The following ATP9B variants were observed in gnomAD, a reference collection of about 807,000 sequenced individuals.
ATP9B encodes probable phospholipid-transporting ATPase IIB.
A neutral mutation model predicts 146.1 loss-of-function variants in ATP9B; 110 were observed. The ratio of observed to expected loss-of-function variants is 0.75; its 90% CI spans 0.65 to 0.88. ATP9B has a LOEUF of 0.88. ATP9B is among the 40% of genes least tolerant of loss of function. The pLI, the probability that ATP9B is intolerant of heterozygous loss-of-function variation, is 0.00. For missense variants in ATP9B, 1,499 were observed against 1,496.4 expected (o/e 1.00, Z -0.03); for synonymous variants, 604 against 569.7 (o/e 1.06, Z -0.86).
At chr18:79,176,696 G>A in intron 7 of ATP9B, 117 bp from the exon 8 acceptor site, 2 of 761,160 alleles carry the variant, frequency 2.6e-6, no homozygotes, top group Non-Finnish European at 4.3e-6. Context: ...GGAATATCTA[G>A]ATTGTTATTT....
At chr18:79,182,240 C>T (rs2095260086) in intron 8 of ATP9B, among the ~76,000 whole-genome samples, 1 of 152,148 alleles carries the variant, frequency 6.6e-6, no homozygotes, top group African/African-American at 2.4e-5. Flanking sequence ...AGTCAAAACT[C>T]AGCTCTCCAA....
At chr18:79,170,367 T>A (rs1432610784) in intron 7 of ATP9B, among the ~76,000 whole-genome samples, 1 of 152,232 alleles carries the variant, frequency 6.6e-6, no homozygotes, top group Non-Finnish European at 1.5e-5. Context: ...TCTCCTCCTC[T>A]GTAGGTGTTG....
chr18:79,369,780 G>C (rs1162701216), intron 26 of ATP9B, among the ~76,000 whole-genome samples: 1 of 152,150 alleles, frequency 6.6e-6, no homozygotes, highest in Non-Finnish European at 1.5e-5. Context: ...ATATGACTTT[G>C]AGGTTGGTTA....
chr18:79,341,601 C>G (rs894579545), intron 19 of ATP9B, among the ~76,000 whole-genome samples: 2 of 145,508 alleles, frequency 1.4e-5, no homozygotes, highest in Non-Finnish European at 3.0e-5. Context: ...TGCCGACACA[C>G]CATTTAGTTG....
chr18:79,330,654 C>T (rs1273120142), intron 17 of ATP9B, among the ~76,000 whole-genome samples: 3 of 152,148 alleles, frequency 2.0e-5, no homozygotes, highest in Non-Finnish European at 4.4e-5. Context: ...ACCTCGTGAT[C>T]CGCCCGTGTC....
At chr18:79,135,267 C>T (rs1190336458) in intron 5 of ATP9B, among the ~76,000 whole-genome samples, 3 of 152,200 alleles carry the variant, frequency 2.0e-5, no homozygotes, top group African/African-American at 4.8e-5. Flanking sequence ...GACTCCAAGT[C>T]ATCCTTCAGA....
chr18:79,259,174 AT>A (rs1568515373), intron 12 of ATP9B, among the ~76,000 whole-genome samples: 1 of 152,216 alleles, frequency 6.6e-6, no homozygotes, highest in Non-Finnish European at 1.5e-5. Context: ...TCAGAGGAAA[AT>A]ATTATAGTAT....
At chr18:79,259,790 T>G (rs1235604880) in intron 12 of ATP9B, among the ~76,000 whole-genome samples, 1 of 152,224 alleles carries the variant, frequency 6.6e-6, no homozygotes, top group Non-Finnish European at 1.5e-5. Context: ...GGAAAACTTT[T>G]AAGAGCTTTA....
Position 79,126,360 on chromosome 18 carries a change from A to G in ATP9B, c.652A>G (p.Lys218Glu), listed in dbSNP as rs1356444432. ...DKEVNSQLYS[K>E]LTVRGKVQVK... is the part of the protein sequence containing the mutation. ...GGAAGTGAATTCACAACTATATAGC[A>G]AGCTTACAGTAAGAGGTCAGCAAGA... The change falls in exon 5 of 30, where the codon AAG (lysine) becomes GAG (glutamate). Residue 218 changes from lysine to glutamate, a missense_variant. By Grantham distance (56) the Lys-to-Glu change is moderately conservative. Transcript: ENST00000426216. 1 of 1,610,158 alleles carries G rather than the reference A, an allele frequency of 6.2e-7. No individual in the cohort carries two copies. Among genetic ancestry groups the G allele is most frequent in the Non-Finnish European group, 8.5e-7 (1 of 1,177,446 alleles).
chr18:79,178,516 AGTCTCT>A (rs1185087091), intron 8 of ATP9B, among the ~76,000 whole-genome samples: 1 of 151,954 alleles, frequency 6.6e-6, no homozygotes, highest in African/African-American at 2.4e-5. Flanking sequence ...TTGTTCAGGG[AGTCTCT>A]GTCAGGGTGA....
At chr18:79,325,063 C>A (rs1179617871) in intron 15 of ATP9B, among the ~76,000 whole-genome samples, 1 of 152,198 alleles carries the variant, frequency 6.6e-6, no homozygotes, top group African/African-American at 2.4e-5. Context: ...AAAAGGGAGC[C>A]CACAACCCCT....
intron 15 of ATP9B, among the ~76,000 whole-genome samples, chr18:79,326,669 AAAAG>A (rs1322628047): frequency 2.0e-5 from 3 of 152,242 alleles, no homozygotes; most frequent in African/African-American, 7.2e-5. Flanking sequence ...CAAAGCATGA[AAAAG>A]AAAGGAAGCA....
intron 25 of ATP9B, among the ~76,000 whole-genome samples, chr18:79,356,600 T>C (rs997385643): frequency 6.6e-6 from 1 of 152,244 alleles, no homozygotes; most frequent in Non-Finnish European, 1.5e-5. Flanking sequence ...CTCCAGAGAA[T>C]TGCGCTGTGT....
chr18:79,291,812 A>G (rs1435245623), intron 13 of ATP9B, among the ~76,000 whole-genome samples: 3 of 152,228 alleles, frequency 2.0e-5, no homozygotes, highest in South Asian at 2.1e-4. Flanking sequence ...GTCAGGATAC[A>G]TCGCTCTCTT....
At chr18:79,297,002 G>C (rs1187739538) in intron 13 of ATP9B, among the ~76,000 whole-genome samples, 1 of 148,086 alleles carries the variant, frequency 6.8e-6, no homozygotes, top group African/African-American at 2.5e-5. Context: ...AGACACAGAC[G>C]ACCCAGAGAG....
In ATP9B at chr18:79,300,396, G is replaced by A. The variant is rs553355802; in HGVS notation, c.1412-3208G>A. On this transcript the variant is annotated intron_variant, in intron 13 of 29. Coordinates refer to ENST00000426216, the MANE Select transcript of ATP9B (RefSeq NM_198531.5). ...GCAAAGTGAGGAGGCTGAGTGGGAG[G>A]TCTTTCCCTTCTCGGTTAAGGTATC... is the stretch of plus-strand genomic sequence containing the variant. Among the ~76,000 whole-genome samples the A allele has an allele frequency of 5.0e-4, 76 of 152,300 alleles. 1 individual carries two copies. The highest frequency in any genetic ancestry group is 2.0e-3 in the Admixed American group (31 of 15,306).
At chr18:79,245,198 G>A (rs1308231943) in intron 11 of ATP9B, among the ~76,000 whole-genome samples, 1 of 152,146 alleles carries the variant, frequency 6.6e-6, no homozygotes, top group Non-Finnish European at 1.5e-5. Context: ...GATAGTAAGG[G>A]TTAGAGAATA....
At chr18:79,332,283 G>C (rs920921913) in intron 17 of ATP9B, among the ~76,000 whole-genome samples, 3 of 152,120 alleles carry the variant, frequency 2.0e-5, no homozygotes, top group Admixed American at 2.0e-4. Flanking sequence ...CAAAAAATTA[G>C]CCGGGTGTGG....
rs398033647 is a variant in ATP9B, at chr18:79,256,286, T to TATATATATATATATATACACACACAC, written c.1268+2746_1268+2747insTATATATATATATATACACACACACA. Among the ~76,000 whole-genome samples, 933 of 122,806 alleles carry TATATATATATATATATACACACACAC rather than the reference T, an allele frequency of 7.6e-3. 29 individuals carry two copies. Among genetic ancestry groups the TATATATATATATATATACACACACAC allele is most frequent in the Non-Finnish European group, 0.013 (766 of 58,238 alleles). 80.6% of individuals were successfully genotyped at this position (122,806 alleles called of 152,430 possible). A position where few individuals can be genotyped will look rare whatever the true frequency, so the allele number is the denominator to read the frequency against. On this transcript the variant is annotated intron_variant, in intron 12 of 29. Coordinates refer to ENST00000426216, the MANE Select transcript of ATP9B (RefSeq NM_198531.5). ...ATATATATATATATATATATATATA[T>TATATATATATATATATACACACACAC]ACATACATAGTGAGGCTATGTTATT...
Sources: gnomAD v4.1 joint callset for allele counts (sites outside exome capture counted in the v4.1 genomes callset) on GRCh38, gnomAD v4.1.1 for gene constraint, MANE v1.5 for transcripts, NCBI Gene and HGNC (gene_info 2026-07-23, HGNC 2026-07-21) for gene names.